Variants in NARS2 observed in about 807,000 individuals in gnomAD.
The protein encoded by NARS2 is asparaginyl-tRNA synthetase.
NARS2 carries 60 observed loss-of-function variants against 62.9 expected under a neutral mutation model. The ratio of observed to expected loss-of-function variants is 0.95; its 90% CI spans 0.77 to 1.18. The LOEUF is 1.18. Among genes scored for constraint, NARS2 ranks in the 50% most tolerant of loss-of-function variants. The pLI, the probability that NARS2 is intolerant of heterozygous loss-of-function variation, is 0.00. For synonymous variants in NARS2, 196 were observed against 200.0 expected, an observed-to-expected ratio of 0.98 and a Z score of 0.17; for missense variants, 619 against 576.4, an observed-to-expected ratio of 1.07 and a Z score of -0.76.
intron 5 of NARS2, among the ~76,000 whole-genome samples, chr11:78,547,991 T>C (rs546092433): frequency 1.3e-5 from 2 of 152,174 alleles, no homozygotes; most frequent in Admixed American, 6.5e-5. Flanking sequence ...AGGCTGAGAT[T>C]GGAGGATCGC....
At chr11:78,516,999 T>C (rs1860937272) in intron 6 of NARS2, among the ~76,000 whole-genome samples, 1 of 152,196 alleles carries the variant, frequency 6.6e-6, no homozygotes, top group Non-Finnish European at 1.5e-5. Flanking sequence ...TGACATCATT[T>C]TTAAGCTGAG....
intron 4 of NARS2, among the ~76,000 whole-genome samples, chr11:78,561,302 G>C (rs914002303): frequency 2.0e-5 from 3 of 152,200 alleles, no homozygotes; most frequent in Non-Finnish European, 2.9e-5. Flanking sequence ...AGTGAAAGCG[G>C]GTGGGGGAGT....
At chr11:78,529,043 T>C in intron 5 of NARS2, 107 bp from the exon 6 acceptor site, 1 of 726,812 alleles carries the variant, frequency 1.4e-6, no homozygotes, top group Non-Finnish European at 2.3e-6. Context: ...TAAATCTATG[T>C]GAAGGCAGGT....
intron 6 of NARS2, among the ~76,000 whole-genome samples, chr11:78,501,369 G>A (rs1329435794): frequency 6.6e-6 from 1 of 152,158 alleles, no homozygotes; most frequent in African/African-American, 2.4e-5. Context: ...AATGAAAAAG[G>A]CAGTTACTGT....
intron 6 of NARS2, among the ~76,000 whole-genome samples, chr11:78,515,699 A>AC (rs1555028950): frequency 2.0e-5 from 3 of 151,332 alleles, no homozygotes; most frequent in African/African-American, 7.3e-5. Flanking sequence ...AAAAAAAAAA[A>AC]CAAAACAATT....
At chr11:78,457,961 A>C (rs1331428516) in intron 11 of NARS2, among the ~76,000 whole-genome samples, 1 of 152,218 alleles carries the variant, frequency 6.6e-6, no homozygotes, top group Admixed American at 6.5e-5. Context: ...ATAGTAGAAC[A>C]GTGTGTAACG....
intron 5 of NARS2, among the ~76,000 whole-genome samples, chr11:78,551,334 A>G (rs1299009795): frequency 6.6e-6 from 1 of 152,192 alleles, no homozygotes; most frequent in Non-Finnish European, 1.5e-5. Flanking sequence ...CATGTTACTG[A>G]TACTACTGAA....
intron 6 of NARS2, among the ~76,000 whole-genome samples, chr11:78,499,995 A>G (rs1239873944): frequency 1.3e-5 from 2 of 152,218 alleles, no homozygotes; most frequent in Non-Finnish European, 2.9e-5. Flanking sequence ...GAGGACCACT[A>G]AAGAGAACAA....
intron 6 of NARS2, among the ~76,000 whole-genome samples, chr11:78,513,606 C>T (rs561045742): frequency 5.1e-4 from 78 of 152,028 alleles, no homozygotes; most frequent in African/African-American, 1.6e-3. Flanking sequence ...GGTAAAACCA[C>T]GTCTCTACTA....
chr11:78,532,878 T>C (rs541211561), intron 5 of NARS2, among the ~76,000 whole-genome samples: 9 of 152,314 alleles, frequency 5.9e-5, no homozygotes, highest in South Asian at 4.1e-4. Context: ...AGCATTGTAT[T>C]AAAAATGTGG....
chr11:78,494,277 TA>T (rs1859958679), intron 6 of NARS2, among the ~76,000 whole-genome samples: 1 of 152,174 alleles, frequency 6.6e-6, no homozygotes, highest in African/African-American at 2.4e-5. Flanking sequence ...TATGAAGTAA[TA>T]AATATTTCTT....
intron 11 of NARS2, among the ~76,000 whole-genome samples, chr11:78,458,314 T>G (rs1384395488): frequency 6.6e-6 from 1 of 152,212 alleles, no homozygotes; most frequent in Non-Finnish European, 1.5e-5. Flanking sequence ...AAGAGACAAC[T>G]TCATACCTAT....
Position 78,443,665 on chromosome 11 carries a change from C to T in NARS2, c.1258G>A (p.Ala420Thr). ...ERYHFLEERL[A>T]RSGLTEVYQW... ...TCTTTTAGGTCTGACCAGTACCTGG[C>T]TAAGCGCTCCTCTAAGAAATGGTAT... Residue 420 changes from alanine (A) to threonine (T), a missense_variant, in exon 12 of 14, where the codon GCC becomes ACC. Ala to Thr is a moderately conservative substitution (Grantham distance 58, BLOSUM62 0). Coordinates refer to ENST00000281038, the MANE Select transcript of NARS2 (RefSeq NM_024678.6). The T allele has an allele frequency of 6.2e-7, 1 of 1,610,706 alleles. No homozygotes were observed. The highest frequency in any genetic ancestry group is 1.1e-5 in the South Asian group (1 of 90,990).
intron 5 of NARS2, among the ~76,000 whole-genome samples, chr11:78,552,420 T>A (rs1403780302): frequency 1.3e-5 from 2 of 152,212 alleles, no homozygotes; most frequent in African/African-American, 4.8e-5. Flanking sequence ...TGACTCCGTA[T>A]CTTTGCTATT....
intron 10 of NARS2, among the ~76,000 whole-genome samples, chr11:78,468,302 C>A (rs1858709458): frequency 1.3e-5 from 1 of 74,982 alleles, no homozygotes; most frequent in African/African-American, 6.7e-5. Context: ...TCTGCAAGCA[C>A]TAAATCTGAA....
chr11:78,521,719 G>C (rs1861130614), intron 6 of NARS2, among the ~76,000 whole-genome samples: 1 of 149,482 alleles, frequency 6.7e-6, no homozygotes. Context: ...GAACCCGGGA[G>C]GCGGAGCTTG....
At chr11:78,537,697 A>C (rs1855414289) in intron 5 of NARS2, among the ~76,000 whole-genome samples, 1 of 152,226 alleles carries the variant, frequency 6.6e-6, no homozygotes, top group Admixed American at 6.5e-5. Context: ...GCTACTGAGG[A>C]GGCTGAGGAA....
chr11:78,460,510 G>T (rs955081526), intron 11 of NARS2, among the ~76,000 whole-genome samples: 1 of 152,170 alleles, frequency 6.6e-6, no homozygotes, highest in Non-Finnish European at 1.5e-5. Context: ...AGTCTAGGCA[G>T]TATCTTAATC....
intron 4 of NARS2, among the ~76,000 whole-genome samples, chr11:78,562,728 G>C (rs1167318307): frequency 6.6e-6 from 1 of 152,160 alleles, no homozygotes; most frequent in Non-Finnish European, 1.5e-5. Flanking sequence ...CCAAGTTTTA[G>C]TACATAACAA....
Sources: allele counts gnomAD v4.1 joint callset (sites outside exome capture counted in the v4.1 genomes callset), GRCh38; gene constraint gnomAD v4.1.1; transcripts MANE v1.5; gene names NCBI Gene and HGNC (gene_info 2026-07-23, HGNC 2026-07-21).